The following PIR variants were observed in gnomAD, a reference collection of about 807,000 sequenced individuals.
PIR encodes the protein pirin.
PIR carries 22 observed loss-of-function variants against 24.2 expected under a neutral mutation model. The observed-to-expected ratio is 0.91, with a 90% CI of 0.65 to 1.30. The LOEUF (loss-of-function observed/expected upper bound fraction) is 1.30. PIR is among the 50% of genes most tolerant of loss of function. PIR has a pLI of 0.00. For synonymous variants in PIR, 80 were observed against 79.6 expected (o/e 1.00, Z -0.03); for missense variants, 220 against 220.3 (o/e 1.00, Z 0.01).
At chrX:15,457,213 C>G (rs1419219616) in intron 4 of PIR, among the ~76,000 whole-genome samples, 1 of 111,883 alleles carries the variant, frequency 8.9e-6, no homozygotes, top group Non-Finnish European at 1.9e-5. Context: ...TCCCATCCTT[C>G]ACTGACCAAG....
intron 7 of PIR, among the ~76,000 whole-genome samples, chrX:15,406,786 C>T (rs1490225025): frequency 9.0e-6 from 1 of 111,685 alleles, no homozygotes; most frequent in Non-Finnish European, 1.9e-5. Context: ...CTCTCCCACC[C>T]GCTCTGTCCC....
In PIR at chrX:15,456,149, T is replaced by C. The variant is rs1461063686; in HGVS notation, c.274-95A>G. The C allele has an allele frequency of 4.3e-6, 3 of 704,223 alleles. No homozygotes were observed. In the East Asian group the frequency reaches 9.6e-5, roughly 22 times the overall value. 58.0% of individuals were successfully genotyped at this position (704,223 alleles called of 1,213,427 possible). ...CAACACCATCACTAAGTGAGACATC[T>C]TACCAGTGCTGCTATCAGAGCCCCT... On this transcript the variant is annotated intron_variant, in intron 4 of 9. Coordinates refer to ENST00000380420, the MANE Select transcript of PIR (RefSeq NM_001018109.3).
chrX:15,453,310 G>A (rs1920986902), intron 5 of PIR, among the ~76,000 whole-genome samples: 1 of 112,329 alleles, frequency 8.9e-6, no homozygotes. Context: ...TGCCACTTAT[G>A]TGATGCTTAC....
chrX:15,396,245 C>CCCTG (rs750576586), intron 8 of PIR, among the ~76,000 whole-genome samples: 1 of 111,784 alleles, frequency 8.9e-6, no homozygotes, highest in South Asian at 3.8e-4. Flanking sequence ...CTGACCCTGA[C>CCCTG]ATATGCATTT....
At chrX:15,420,165 T>C (rs1016090741) in intron 6 of PIR, among the ~76,000 whole-genome samples, 31 of 109,388 alleles carry the variant, frequency 2.8e-4, no homozygotes, top group African/African-American at 1.0e-3. Flanking sequence ...CCACTGCACT[T>C]CAGCCTGGGC....
chrX:15,393,702 TC>T (rs929007270), intron 8 of PIR, among the ~76,000 whole-genome samples: 19 of 109,350 alleles, frequency 1.7e-4, no homozygotes, highest in Admixed American at 5.0e-4. Flanking sequence ...CTTATGAGAA[TC>T]TAATGCCTAA....
At chrX:15,449,714 T>C (rs1006593261) in intron 5 of PIR, among the ~76,000 whole-genome samples, 2 of 112,542 alleles carry the variant, frequency 1.8e-5, no homozygotes, top group Middle Eastern at 4.2e-3. Flanking sequence ...CCATTTTTCT[T>C]ATACTGAAAA....
intron 5 of PIR, among the ~76,000 whole-genome samples, chrX:15,447,554 G>A (rs1053386157): frequency 2.7e-5 from 3 of 111,826 alleles, no homozygotes; most frequent in African/African-American, 9.7e-5. Context: ...TCCTGACCTC[G>A]TGATCCGGCC....
intron 6 of PIR, among the ~76,000 whole-genome samples, chrX:15,415,868 G>A (rs1397808575): frequency 3.6e-5 from 4 of 111,121 alleles, no homozygotes; most frequent in Non-Finnish European, 7.5e-5. Flanking sequence ...ATGATCTTGA[G>A]TTAGGGAAAG....
At chrX:15,463,945 G>C (rs1230066927) in intron 3 of PIR, among the ~76,000 whole-genome samples, 2 of 112,294 alleles carry the variant, frequency 1.8e-5, no homozygotes, top group Non-Finnish European at 3.8e-5. Flanking sequence ...AAGATTTTCT[G>C]CACAATTCCA....
chrX:15,434,395 G>A (rs1206452057), intron 5 of PIR, among the ~76,000 whole-genome samples: 2 of 107,495 alleles, frequency 1.9e-5, no homozygotes, highest in Non-Finnish European at 3.9e-5. Context: ...GAGGAGAAAG[G>A]AGGAGTAGGA....
intron 3 of PIR, among the ~76,000 whole-genome samples, chrX:15,470,650 G>A (rs915024960): frequency 1.0e-5 from 1 of 97,130 alleles, no homozygotes; most frequent in South Asian, 4.9e-4. Flanking sequence ...TGCCCAGGCT[G>A]GAGTGCAATG....
At chrX:15,476,972 T>C (rs1378316521) in intron 3 of PIR, among the ~76,000 whole-genome samples, 2 of 111,762 alleles carry the variant, frequency 1.8e-5, no homozygotes, top group Non-Finnish European at 3.8e-5. Context: ...TATAGTATAA[T>C]ACTAAGCTAA....
intron 3 of PIR, among the ~76,000 whole-genome samples, chrX:15,470,428 T>C (rs1280934018): frequency 1.8e-5 from 2 of 111,465 alleles, no homozygotes; most frequent in African/African-American, 6.5e-5. Flanking sequence ...ACAATTTGCA[T>C]GAAGCTTTTT....
chrX:15,390,580 TTCTCAGTTACCA>T (rs1033677145), intron 8 of PIR, among the ~76,000 whole-genome samples: 1 of 111,630 alleles, frequency 9.0e-6, no homozygotes, highest in Non-Finnish European at 1.9e-5. Context: ...GATTTATGAT[TTCTCAGTTACCA>T]TATAATTTTT....
chrX:15,479,926 C>T (rs1922413408), intron 2 of PIR, 105 bp from the exon 3 acceptor site: 1 of 361,589 alleles, frequency 2.8e-6, no homozygotes, highest in African/African-American at 2.7e-5. Context: ...AACTACATAG[C>T]CAATGGGCAA....
chrX:15,429,087 T>G (rs1177152389), intron 5 of PIR, among the ~76,000 whole-genome samples: 1 of 111,710 alleles, frequency 9.0e-6, no homozygotes, highest in Non-Finnish European at 1.9e-5. Context: ...TAACTCGCTG[T>G]ATTCTTGCCC....
chrX:15,433,987 GAGGAGGAGGAAGGAGAAAGA>G (rs1233253194), intron 5 of PIR, among the ~76,000 whole-genome samples: 2,556 of 47,504 alleles, frequency 0.054, 141 homozygotes, highest in East Asian at 0.099. Flanking sequence ...GAGAAAGCAG[GAGGAGGAGGAAGGAGAAAGA>G]AGGAGGAGGA....
chrX:15,446,166 TG>T (rs1926097115), intron 5 of PIR, among the ~76,000 whole-genome samples: 2 of 112,106 alleles, frequency 1.8e-5, no homozygotes, highest in African/African-American at 6.5e-5. Context: ...AGAATAAATT[TG>T]AAAAGTTTAA....
Sources: allele counts gnomAD v4.1 joint callset (sites outside exome capture counted in the v4.1 genomes callset), GRCh38; gene constraint gnomAD v4.1.1; transcripts MANE v1.5; gene names NCBI Gene and HGNC (gene_info 2026-07-23, HGNC 2026-07-21).